YEATS2: variants seen among roughly 807,000 people sequenced by gnomAD.
YEATS2 encodes YEATS domain-containing protein 2.
Under a neutral mutation model 163.2 loss-of-function variants are expected in YEATS2, and 77 were observed. That is an observed-to-expected ratio of 0.47 (90% CI 0.39 to 0.57). The LOEUF (loss-of-function observed/expected upper bound fraction) is 0.57, where lower values mean the gene tolerates loss of function less well. Ranked by LOEUF, YEATS2 falls within the 20% of genes least tolerant of loss-of-function variation. The pLI, the probability that YEATS2 is intolerant of heterozygous loss-of-function variation, is 0.00. For missense variants in YEATS2, 1,549 were observed against 1,729.8 expected, an observed-to-expected ratio of 0.90 and a Z score of 1.85; for synonymous variants, 631 against 645.1, an observed-to-expected ratio of 0.98 and a Z score of 0.33.
chr3:183,775,907 AT>A lies in YEATS2; in HGVS notation c.2369-3del, dbSNP rs1445555633. ...TTATGATGTTGCTGTCATTCATTGT[AT>A]TTTTAGATCTCCAGTCTGGCTCAGC... On this transcript the variant is annotated splice_region_variant and splice_polypyrimidine_tract_variant and intron_variant, in intron 17 of 30. Coordinates refer to ENST00000305135, the MANE Select transcript of YEATS2 (RefSeq NM_018023.5). 3 of 1,611,752 alleles carry A rather than the reference AT, an allele frequency of 1.9e-6. No individual in the cohort carries two copies. In the East Asian group the frequency reaches 6.7e-5, roughly 36 times the overall value.
In YEATS2 at chr3:183,804,142, C is replaced by A. The variant is rs192649831; in HGVS notation, c.3738C>A (p.Asp1246Glu). The change falls in exon 27 of 31, where the codon GAC (aspartate) becomes GAA (glutamate). Residue 1246 changes from aspartate to glutamate, a missense_variant. Physicochemically the swap from Asp to Glu is conservative, Grantham distance 45. Transcript: ENST00000305135. The stretch of plus-strand genomic sequence containing the variant: ...CGGACCCTGAGAGCCTGAGGAATGA[C>A]GGGGACTCCATCGAGGACGTGCTGA... The part of the protein sequence containing the change: ...TPPDPESLRN[D>E]GDSIEDVLTQ... 1.2e-6 allele frequency: 2 copies of A among 1,614,120 alleles called. No individual in the cohort carries two copies. Among genetic ancestry groups the A allele is most frequent in the Non-Finnish European group, 1.7e-6 (2 of 1,180,026 alleles).
intron 9 of YEATS2, among the ~76,000 whole-genome samples, chr3:183,748,197 T>C (rs1719761774): frequency 6.8e-6 from 1 of 146,802 alleles, no homozygotes; most frequent in Non-Finnish European, 1.5e-5. Flanking sequence ...CTCCCCTCCC[T>C]CCTCTTCCCT....
chr3:183,808,494 A>G (rs1726455733), intron 29 of YEATS2, among the ~76,000 whole-genome samples: 1 of 152,222 alleles, frequency 6.6e-6, no homozygotes, highest in Admixed American at 6.5e-5. Flanking sequence ...ATCCTAGCTC[A>G]GCAGTTCCTT....
chr3:183,719,718 G>T (rs1400116184), intron 4 of YEATS2, among the ~76,000 whole-genome samples: 2 of 151,864 alleles, frequency 1.3e-5, no homozygotes, highest in African/African-American at 4.8e-5. Flanking sequence ...AGGCTGGAAT[G>T]CAGTGGCTAT....
In YEATS2 at chr3:183,715,301, A is replaced by C. The variant is rs771581361; in HGVS notation, c.100+39A>C. Reference sequence around the variant, plus strand: ...CTTAGGAAATTATTTCTTTATTGACATATGCCTCCGCTAGAAAACTTACAG... The same window carrying C: ...CTTAGGAAATTATTTCTTTATTGACCTATGCCTCCGCTAGAAAACTTACAG... On this transcript the variant is annotated intron_variant, in intron 2 of 30. Transcript: ENST00000305135. 12 of 1,437,346 alleles carry C rather than the reference A, an allele frequency of 8.3e-6. No individual in the cohort carries two copies. The East Asian group carries it at 1.1e-4, about 14-fold the overall frequency. The allele number at this position is 1,437,346 out of a possible 1,614,324, so 89.0% of individuals were successfully genotyped here.
intron 8 of YEATS2, among the ~76,000 whole-genome samples, chr3:183,744,269 C>T (rs371833265): frequency 4.6e-5 from 7 of 151,606 alleles, no homozygotes; most frequent in African/African-American, 1.5e-4. Context: ...CCCGCCACCA[C>T]GCACGGCTAA....
intron 1 of YEATS2, among the ~76,000 whole-genome samples, chr3:183,710,331 CTTAT>C (rs1047512608): frequency 2.6e-5 from 4 of 152,176 alleles, no homozygotes; most frequent in Non-Finnish European, 4.4e-5. Flanking sequence ...ATTCTGTTCA[CTTAT>C]TTATTATATC....
intron 8 of YEATS2, among the ~76,000 whole-genome samples, chr3:183,741,046 C>G (rs982685482): frequency 2.0e-5 from 3 of 152,032 alleles, no homozygotes; most frequent in African/African-American, 4.8e-5. Flanking sequence ...TCAAGCAATC[C>G]TCCCACCTCA....
At chr3:183,798,226 A>G (rs1725343176) in intron 22 of YEATS2, among the ~76,000 whole-genome samples, 175 bp downstream of exon 22, 1 of 150,446 alleles carries the variant, frequency 6.6e-6, no homozygotes, top group Admixed American at 6.6e-5. Flanking sequence ...CTTGAATGCT[A>G]GGGCACCAAT....
chr3:183,729,236 C>T (rs941278332), intron 7 of YEATS2, among the ~76,000 whole-genome samples: 3 of 150,964 alleles, frequency 2.0e-5, no homozygotes, highest in Admixed American at 1.3e-4. Context: ...CGCGCCACTG[C>T]ACTCCAGCCT....
At chr3:183,758,016 C>G (rs1207882879) in intron 12 of YEATS2, among the ~76,000 whole-genome samples, 2 of 152,000 alleles carry the variant, frequency 1.3e-5, no homozygotes, top group Non-Finnish European at 2.9e-5. Context: ...TAATATATGA[C>G]TAAATTTTTT....
intron 26 of YEATS2, 199 bp downstream of exon 26, chr3:183,803,534 C>G (rs1264745690): frequency 1.7e-6 from 1 of 605,892 alleles, no homozygotes; most frequent in African/African-American, 1.9e-5. Context: ...AGAAACATCC[C>G]TCACAGTTTC....
At chr3:183,794,323 A>G (rs1055295771) in intron 21 of YEATS2, among the ~76,000 whole-genome samples, 9 of 152,244 alleles carry the variant, frequency 5.9e-5, no homozygotes, top group African/African-American at 2.2e-4. Flanking sequence ...ATGAACTGCT[A>G]CTTTCAAAAG....
rs557253532 is a variant in YEATS2 at position 183,701,653 on chromosome 3, C to G, written c.-20+3660C>G. On this transcript the variant is annotated intron_variant, in intron 1 of 30. Coordinates refer to ENST00000305135, the MANE Select transcript of YEATS2 (RefSeq NM_018023.5). ...AAGCAATCCTCCTGCTTTGGCCTCC[C>G]AAAGTGCTGGGATTACAGGCACATG... is the stretch of plus-strand genomic sequence containing the variant. Among the ~76,000 whole-genome samples the G allele has an allele frequency of 3.9e-5, 6 of 152,130 alleles. No individual in the cohort carries two copies. The East Asian group carries it at 1.2e-3, about 29-fold the overall frequency.
Position 183,762,292 on chromosome 3 carries a change from T to A in YEATS2, c.1947+13T>A. The stretch of plus-strand genomic sequence containing the variant: ...TCAGCCCTCCAAGGTTTGTGTTGGG[T>A]AGAGATGGGAAATTTCACATGTAAA... On this transcript the variant is annotated intron_variant, in intron 15 of 30. Transcript: ENST00000305135. 1 of 1,558,682 alleles carries A rather than the reference T, an allele frequency of 6.4e-7. No individual in the cohort carries two copies.
chr3:183,794,736 A>G (rs1425790108), intron 21 of YEATS2, among the ~76,000 whole-genome samples: 4 of 152,192 alleles, frequency 2.6e-5, no homozygotes, highest in South Asian at 4.1e-4. Context: ...TCCAAAGTCA[A>G]CCATTGTAAG....
chr3:183,746,890 G>A (rs919041852), intron 8 of YEATS2, among the ~76,000 whole-genome samples: 12 of 151,042 alleles, frequency 7.9e-5, no homozygotes, highest in Non-Finnish European at 1.6e-4. Flanking sequence ...ACCTACCCTG[G>A]CTTCATTTTT....
chr3:183,756,747 A>G, intron 12 of YEATS2, 58 bp downstream of exon 12: 1 of 1,306,468 alleles, frequency 7.7e-7, no homozygotes, highest in Non-Finnish European at 9.9e-7. Flanking sequence ...TTAAAAATGT[A>G]ATCCTGCCAT....
At chr3:183,753,000 G>A (rs1048335176) in intron 10 of YEATS2, among the ~76,000 whole-genome samples, 1 of 151,884 alleles carries the variant, frequency 6.6e-6, no homozygotes, top group African/African-American at 2.4e-5. Flanking sequence ...TTTTCACCAT[G>A]TTGGCCAGGC....
Sources: allele counts gnomAD v4.1 joint callset (sites outside exome capture counted in the v4.1 genomes callset), GRCh38; gene constraint gnomAD v4.1.1; transcripts MANE v1.5; gene names NCBI Gene and HGNC (gene_info 2026-07-23, HGNC 2026-07-21).